Variants in TMED2 observed in about 807,000 individuals in gnomAD.
TMED2 encodes the protein transmembrane emp24 domain-containing protein 2.
TMED2 carries 3 observed loss-of-function variants against 17.5 expected under a neutral mutation model. The ratio of observed to expected loss-of-function variants is 0.17; its 90% CI spans 0.08 to 0.44. The LOEUF is 0.44. TMED2 is among the 20% of genes least tolerant of loss of function. The pLI is 0.99. For synonymous variants in TMED2, 95 were observed against 91.0 expected (o/e 1.04, Z -0.25); for missense variants, 149 against 254.8 (o/e 0.58, Z 2.83).
intron 1 of TMED2, 139 bp downstream of exon 1, chr12:123,584,955 C>A: frequency 3.7e-6 from 4 of 1,079,684 alleles, no homozygotes; most frequent in Non-Finnish European, 5.1e-6. Flanking sequence ...CAGGCCGCCA[C>A]CCCCCGCCCC....
At chr12:123,593,264 T>G (rs550595188) in intron 3 of TMED2, among the ~76,000 whole-genome samples, 2 of 152,102 alleles carry the variant, frequency 1.3e-5, no homozygotes, top group East Asian at 3.9e-4. Context: ...TTTTGTTGTT[T>G]TTTTTTTAGA....
chr12:123,597,415 G>T lies in TMED2; in HGVS notation c.*686G>T, dbSNP rs549673206. 1 of 152,324 alleles carries T rather than the reference G, an allele frequency of 6.6e-6. No individual in the cohort carries two copies. Among genetic ancestry groups the T allele is most frequent in the African/African-American group, 2.4e-5 (1 of 41,562 alleles). The allele number at this position is 152,324 out of a possible 1,614,324, so 9.4% of individuals were successfully genotyped here. On this transcript the variant is annotated 3_prime_UTR_variant, in exon 4 of 4. Coordinates refer to ENST00000262225, the MANE Select transcript of TMED2 (RefSeq NM_006815.4). ...TGGGTTTCTGCCTAACCCCCTAATT[G>T]TCTGTTAAAGCCAATTCTCTGGGTG... is the stretch of plus-strand genomic sequence containing the variant.
In TMED2 at chr12:123,584,593, G is replaced by T. The variant is rs755805901; in HGVS notation, c.-44G>T. The T allele has an allele frequency of 2.5e-5, 40 of 1,585,802 alleles. No homozygotes were observed. The South Asian group carries it at 4.3e-4, about 17-fold the overall frequency. On this transcript the variant is annotated 5_prime_UTR_variant, in exon 1 of 4. Coordinates refer to ENST00000262225, the MANE Select transcript of TMED2 (RefSeq NM_006815.4). ...GGCGGCGGCGGCGGCGGCGGCGGCTGTGGAGGCCGCAGTCCGGGTCCTGGC... is the reference window on the plus strand; with the variant it reads ...GGCGGCGGCGGCGGCGGCGGCGGCTTTGGAGGCCGCAGTCCGGGTCCTGGC...
intron 3 of TMED2, among the ~76,000 whole-genome samples, chr12:123,595,830 A>G (rs979283449): frequency 1.3e-5 from 2 of 152,086 alleles, no homozygotes; most frequent in Non-Finnish European, 2.9e-5. Flanking sequence ...GGAGTTCAAG[A>G]CCAACTTGGG....
chr12:123,596,767 GT>G lies in TMED2; in HGVS notation c.*41del. On this transcript the variant is annotated 3_prime_UTR_variant, in exon 4 of 4. Coordinates refer to ENST00000262225, the MANE Select transcript of TMED2 (RefSeq NM_006815.4). ...TGATGATCCCAACTCAGAATTCACT[GT>G]TTACCAAACACCTTGGTCATAATAA... The G allele has an allele frequency of 6.4e-7, 1 of 1,561,938 alleles. No homozygotes were observed. Among genetic ancestry groups the G allele is most frequent in the Non-Finnish European group, 8.6e-7 (1 of 1,156,724 alleles).
In TMED2 at chr12:123,596,466, G is replaced by C. The variant is rs1057291763; in HGVS notation, c.482-139G>C. 3 of 1,108,432 alleles carry C rather than the reference G, an allele frequency of 2.7e-6. No individual in the cohort carries two copies. In the Admixed American group the frequency reaches 8.9e-5, roughly 33 times the overall value. The allele number at this position is 1,108,432 out of a possible 1,614,324, so 68.7% of individuals were successfully genotyped here. ...GGGTTTATTGGGATGTAACCCCATC[G>C]TAAGTTGAGGAACATCTATTCTATG... is the stretch of plus-strand genomic sequence containing the variant. On this transcript the variant is annotated intron_variant, in intron 3 of 3. Coordinates refer to ENST00000262225, the MANE Select transcript of TMED2 (RefSeq NM_006815.4).
rs933970690 is a variant in TMED2, at chr12:123,597,472, C to G, written c.*743C>G. ...TGAGTGGTGGCTTTTTTTCTTTCCA[C>G]ATTGGCACATTCACTTCTCCCACTC... On this transcript the variant is annotated 3_prime_UTR_variant, in exon 4 of 4. Transcript: ENST00000262225. The G allele has an allele frequency of 1.3e-5, 2 of 152,478 alleles. No homozygotes were observed. Among genetic ancestry groups the G allele is most frequent in the African/African-American group, 4.8e-5 (2 of 41,442 alleles). 9.4% of individuals were successfully genotyped at this position (152,478 alleles called of 1,614,324 possible).
At chr12:123,588,188 T>G (rs930733466) in intron 2 of TMED2, among the ~76,000 whole-genome samples, 13 of 110,242 alleles carry the variant, frequency 1.2e-4, no homozygotes, top group Admixed American at 6.7e-4. Context: ...TTTGGTGGTG[T>G]TTTTTTTTGT....
At chr12:123,589,356 T>C (rs1166899405) in intron 2 of TMED2, among the ~76,000 whole-genome samples, 1 of 152,276 alleles carries the variant, frequency 6.6e-6, no homozygotes, top group Non-Finnish European at 1.5e-5. Flanking sequence ...TTGGTGCTGC[T>C]CCTGCTTCTT....
At chr12:123,593,104 G>A (rs1363898964) in intron 3 of TMED2, among the ~76,000 whole-genome samples, 1 of 152,164 alleles carries the variant, frequency 6.6e-6, no homozygotes, top group Non-Finnish European at 1.5e-5. Flanking sequence ...AGCTGCTTGG[G>A]AGGCTGAGAT....
At chr12:123,587,490 A>AT in intron 2 of TMED2, 1 of 672,224 alleles carries the variant, frequency 1.5e-6, no homozygotes, top group Non-Finnish European at 2.0e-6. Flanking sequence ...GTCTTCAGTT[A>AT]TTTTTTCTGT....
At chr12:123,584,837 G>T (rs1430923319) in intron 1 of TMED2, 21 bp downstream of exon 1, 8 of 1,603,862 alleles carry the variant, frequency 5.0e-6, no homozygotes, top group Non-Finnish European at 6.8e-6. Context: ...GCTGCCCGCA[G>T]CTGAGGCTTG....
chr12:123,593,287 C>G (rs1042413626), intron 3 of TMED2, among the ~76,000 whole-genome samples: 5 of 151,734 alleles, frequency 3.3e-5, no homozygotes, highest in Non-Finnish European at 1.5e-5. Context: ...GAGTCTTGCT[C>G]TGTTGCCCAG....
Position 123,584,693 on chromosome 12 carries a change from G to C in TMED2, c.57G>C (p.Ser19=). ...VLLAALLATV[S]GYFVSIDAHA... ...TGGCCGCTCTCCTGGCCACGGTCTC[G>C]GGCTATTTCGTTAGCATCGACGCCC... The change falls in exon 1 of 4, where the codon TCG becomes TCC. Residue 19 remains serine, a synonymous_variant. Coordinates refer to ENST00000262225, the MANE Select transcript of TMED2 (RefSeq NM_006815.4). The C allele has an allele frequency of 6.2e-7, 1 of 1,613,704 alleles. No individual in the cohort carries two copies. The highest frequency in any genetic ancestry group is 8.5e-7 in the Non-Finnish European group (1 of 1,179,850).
intron 2 of TMED2, among the ~76,000 whole-genome samples, chr12:123,589,298 G>A (rs188273915): frequency 3.3e-5 from 5 of 152,274 alleles, no homozygotes; most frequent in East Asian, 3.9e-4. Flanking sequence ...TCCTAAGAGC[G>A]TTTTAATGTT....
At chr12:123,590,525 C>A in intron 3 of TMED2, 76 bp downstream of exon 3, 1 of 1,286,706 alleles carries the variant, frequency 7.8e-7, no homozygotes, top group South Asian at 1.4e-5. Flanking sequence ...TCGTATTTTC[C>A]TCATTTGGAA....
intron 3 of TMED2, among the ~76,000 whole-genome samples, chr12:123,595,887 A>C (rs113951766): frequency 6.6e-6 from 1 of 152,140 alleles, no homozygotes; most frequent in Non-Finnish European, 1.5e-5. Flanking sequence ...AAATTAGTCA[A>C]ATGGGCTGGT....
At chr12:123,593,807 T>C (rs1953410520) in intron 3 of TMED2, among the ~76,000 whole-genome samples, 1 of 151,838 alleles carries the variant, frequency 6.6e-6, no homozygotes, top group South Asian at 2.1e-4. Flanking sequence ...CCTATTTTCT[T>C]TTTAGAGACA....
intron 3 of TMED2, among the ~76,000 whole-genome samples, chr12:123,595,910 TC>T (rs1953427414): frequency 6.6e-6 from 1 of 152,170 alleles, no homozygotes; most frequent in Admixed American, 6.6e-5. Context: ...ATACCTGTAC[TC>T]CCAGCTACTC....
Sources: allele counts gnomAD v4.1 joint callset (sites outside exome capture counted in the v4.1 genomes callset), GRCh38; gene constraint gnomAD v4.1.1; transcripts MANE v1.5; gene names NCBI Gene and HGNC (gene_info 2026-07-23, HGNC 2026-07-21).